The following CALCOCO2 variants were observed in gnomAD, a reference collection of about 807,000 sequenced individuals.
CALCOCO2 encodes the protein calcium binding and coiled-coil domain 2, also known as calcium-binding and coiled-coil domain-containing protein 2.
A neutral mutation model predicts 62.5 loss-of-function variants in CALCOCO2; 42 were observed. The ratio of observed to expected loss-of-function variants is 0.67; its 90% CI spans 0.53 to 0.87. The LOEUF is 0.87. Ranked by LOEUF, CALCOCO2 falls within the 40% of genes least tolerant of loss-of-function variation. The pLI, the probability that CALCOCO2 is intolerant of heterozygous loss-of-function variation, is 0.00. For missense variants in CALCOCO2, 456 were observed against 515.0 expected, an observed-to-expected ratio of 0.89 and a Z score of 1.11; for synonymous variants, 167 against 173.0, an observed-to-expected ratio of 0.97 and a Z score of 0.27.
rs79924497 is a variant in CALCOCO2 at position 48,859,612 on chromosome 17, A to G, written c.1009-702A>G. On this transcript the variant is annotated intron_variant, in intron 10 of 12. Coordinates refer to ENST00000258947, the MANE Select transcript of CALCOCO2 (RefSeq NM_005831.5). ...CAAGACCCTGTCTCTAAAAAAAACA[A>G]ATTTAACAACAACAATAATAATATA... 2.1e-4 allele frequency among the ~76,000 whole-genome samples: 32 copies of G among 152,212 alleles called. 2 individuals are homozygous for G. In the East Asian group the frequency reaches 6.2e-3, roughly 29 times the overall value.
chr17:48,843,451 A>T (rs2040002962), intron 2 of CALCOCO2, among the ~76,000 whole-genome samples: 1 of 152,232 alleles, frequency 6.6e-6, no homozygotes, highest in Non-Finnish European at 1.5e-5. Flanking sequence ...ATCAGACACC[A>T]TTCTCAACTG....
At chr17:48,849,127 C>T (rs2040092037) in intron 4 of CALCOCO2, 125 bp from the exon 5 acceptor site, 1 of 823,578 alleles carries the variant, frequency 1.2e-6, no homozygotes, top group Non-Finnish European at 2.0e-6. Flanking sequence ...AAGGAGCAGC[C>T]CCCATCTGGG....
intron 5 of CALCOCO2, among the ~76,000 whole-genome samples, chr17:48,850,414 G>A (rs971315568): frequency 1.3e-5 from 2 of 151,772 alleles, no homozygotes; most frequent in Admixed American, 6.6e-5. Context: ...CCAAGATCAC[G>A]CCACTGCACT....
chr17:48,853,464 T>A (rs2040162254), intron 9 of CALCOCO2, among the ~76,000 whole-genome samples: 1 of 152,212 alleles, frequency 6.6e-6, no homozygotes, highest in Admixed American at 6.5e-5. Flanking sequence ...AATAATTTCC[T>A]GTAATATATT....
rs1012752724 is a variant in CALCOCO2 at position 48,861,100 on chromosome 17, G to T, written c.1144+651G>T. On this transcript the variant is annotated intron_variant, in intron 11 of 12. Transcript: ENST00000258947. ...AATAAGTTTGTGGCCGTGCGCGGTG[G>T]CTCACACCTGTAATCCCAGCACTGT... Among the ~76,000 whole-genome samples the T allele has an allele frequency of 2.6e-5, 4 of 152,134 alleles. No individual in the cohort carries two copies. The South Asian group carries it at 8.3e-4, about 32-fold the overall frequency.
chr17:48,855,022 C>T (rs994387868), intron 9 of CALCOCO2, among the ~76,000 whole-genome samples: 2 of 152,058 alleles, frequency 1.3e-5, no homozygotes, highest in African/African-American at 4.8e-5. Flanking sequence ...TAAGGGGGCC[C>T]AGGAAAGCAA....
chr17:48,841,359 A>G lies in CALCOCO2; in HGVS notation c.-10-339A>G, dbSNP rs141666527. Among the ~76,000 whole-genome samples, 681 of 152,284 alleles carry G rather than the reference A, an allele frequency of 4.5e-3. 7 individuals carry two copies. The highest frequency in any genetic ancestry group is 0.014 in the African/African-American group (602 of 41,554). ...TGGGATGAAAAATCTAGAATTTAAC[A>G]GTTCCCAGCTCAGGCTATTTTATCT... On this transcript the variant is annotated intron_variant, in intron 1 of 12. Transcript: ENST00000258947.
At position 48,851,437 on chromosome 17, in the gene CALCOCO2, G is replaced by T. The variant is rs1418779321; in HGVS notation, c.633-122G>T. ...GAAGCCAAAACAGGACTGCAATGGA[G>T]ACTAGTAGATTTTTAAATAATTCTG... is the stretch of plus-strand genomic sequence containing the variant. On this transcript the variant is annotated intron_variant, in intron 6 of 12. Coordinates refer to ENST00000258947, the MANE Select transcript of CALCOCO2 (RefSeq NM_005831.5). The T allele has an allele frequency of 1.2e-5, 8 of 684,438 alleles. No homozygotes were observed. The East Asian group carries it at 1.9e-4, about 16-fold the overall frequency. 42.4% of individuals were successfully genotyped at this position (684,438 alleles called of 1,614,324 possible). A position where few individuals can be genotyped will look rare whatever the true frequency, so the allele number is the denominator to read the frequency against.
At chr17:48,831,535 C>T (rs2143549940) in intron 1 of CALCOCO2, 1 of 152,312 alleles carries the variant, frequency 6.6e-6, no homozygotes, top group South Asian at 2.1e-4. Flanking sequence ...TTTTGGGCCT[C>T]AGTGTCCCCC....
chr17:48,833,028 G>T (rs1353148399), intron 1 of CALCOCO2, among the ~76,000 whole-genome samples: 1 of 152,062 alleles, frequency 6.6e-6, no homozygotes, highest in African/African-American at 2.4e-5. Context: ...TTTAGGTAAG[G>T]GTCTAGAATT....
chr17:48,852,236 A>G (rs542333146), intron 7 of CALCOCO2: 7 of 323,512 alleles, frequency 2.2e-5, no homozygotes, highest in East Asian at 5.6e-5. Context: ...ATAGATGACA[A>G]TCATCTATAT....
chr17:48,849,045 A>C (rs925232704), intron 4 of CALCOCO2, among the ~76,000 whole-genome samples: 1 of 152,182 alleles, frequency 6.6e-6, no homozygotes, highest in Non-Finnish European at 1.5e-5. Context: ...AATGGATATA[A>C]TTTTTGCTTG....
At chr17:48,850,847 G>A (rs538377761) in intron 5 of CALCOCO2, 15 of 242,018 alleles carry the variant, frequency 6.2e-5, no homozygotes, top group Admixed American at 2.0e-4. Context: ...GAACCCGGGC[G>A]ACAGAGGTTG....
chr17:48,859,559 A>G (rs1226640680), intron 10 of CALCOCO2, among the ~76,000 whole-genome samples: 3 of 151,344 alleles, frequency 2.0e-5, no homozygotes, highest in Non-Finnish European at 4.4e-5. Flanking sequence ...CTATGATCTC[A>G]CCCCGCACTC....
At chr17:48,860,701 A>G (rs2040313820) in intron 11 of CALCOCO2, among the ~76,000 whole-genome samples, 1 of 152,218 alleles carries the variant, frequency 6.6e-6, no homozygotes, top group Non-Finnish European at 1.5e-5. Context: ...CTATATTCCA[A>G]ATGTGTAAAT....
chr17:48,846,018 C>G (rs1288030891), intron 2 of CALCOCO2: 19 of 1,323,630 alleles, frequency 1.4e-5, no homozygotes, highest in Non-Finnish European at 1.9e-5. Flanking sequence ...AAATGCTCTC[C>G]CCAGTGTTCT....
chr17:48,845,913 TTCC>T (rs955533079), intron 2 of CALCOCO2: 24 of 438,856 alleles, frequency 5.5e-5, no homozygotes, highest in African/African-American at 3.9e-4. Flanking sequence ...CCTCTGGTTT[TTCC>T]TCCTCTACTC....
At chr17:48,842,969 A>G (rs190286308) in intron 2 of CALCOCO2, among the ~76,000 whole-genome samples, 1 of 152,184 alleles carries the variant, frequency 6.6e-6, no homozygotes, top group East Asian at 1.9e-4. Flanking sequence ...GGCTGACCTC[A>G]TATGTCATTT....
In CALCOCO2 at chr17:48,863,278, C is replaced by T. The variant is rs535828910; in HGVS notation, c.*273C>T. 3 of 396,096 alleles carry T rather than the reference C, an allele frequency of 7.6e-6. No individual in the cohort carries two copies. The highest frequency in any genetic ancestry group is 6.2e-5 in the African/African-American group (3 of 48,626). 24.5% of individuals were successfully genotyped at this position (396,096 alleles called of 1,614,324 possible). A position where few individuals can be genotyped will look rare whatever the true frequency, so the allele number is the denominator to read the frequency against. ...CTTCTGAGGGTCTCAGTACAAGGGC[C>T]CTGGGATGGAGCCAACCTGGGTATT... On this transcript the variant is annotated 3_prime_UTR_variant, in exon 13 of 13. Coordinates refer to ENST00000258947, the MANE Select transcript of CALCOCO2 (RefSeq NM_005831.5).
Sources: gnomAD v4.1 joint callset for allele counts (sites outside exome capture counted in the v4.1 genomes callset) on GRCh38, gnomAD v4.1.1 for gene constraint, MANE v1.5 for transcripts, NCBI Gene and HGNC (gene_info 2026-07-23, HGNC 2026-07-21) for gene names.